Variants in PPP4R2 observed in about 807,000 individuals in gnomAD.
PPP4R2 encodes protein phosphatase 4 regulatory subunit 2, also known as serine/threonine-protein phosphatase 4 regulatory subunit 2.
PPP4R2 carries 13 observed loss-of-function variants against 47.2 expected under a neutral mutation model. That is an observed-to-expected ratio of 0.28 (90% CI 0.18 to 0.44). The LOEUF (loss-of-function observed/expected upper bound fraction) is 0.44. Among genes scored for constraint, PPP4R2 ranks in the 20% least tolerant of loss-of-function variants. The probability of loss-of-function intolerance (pLI) is 1.00; values close to 1 mark genes in which losing one functional copy is unlikely to be tolerated. For synonymous variants in PPP4R2, 151 were observed against 163.3 expected (o/e 0.92, Z 0.57); for missense variants, 421 against 491.2 (o/e 0.86, Z 1.35).
At position 73,067,426 on chromosome 3, in the gene PPP4R2, T is replaced by TAG. The variant is rs1363412886; in HGVS notation, c.*1705_*1706insGA. The TAG allele has an allele frequency of 6.6e-6, 1 of 152,150 alleles. No homozygotes were observed. The highest frequency in any genetic ancestry group is 1.9e-4 in the East Asian group (1 of 5,196). The allele number at this position is 152,150 out of a possible 1,614,324, so 9.4% of individuals were successfully genotyped here. ...CATTTATGTTTGTAGGATAATATAC[T>TAG]ACTGACTGACTTGACTGTCAGGTTC... On this transcript the variant is annotated 3_prime_UTR_variant, in exon 9 of 9. Transcript: ENST00000356692.
intron 2 of PPP4R2, among the ~76,000 whole-genome samples, chr3:73,019,601 T>A (rs973691648): frequency 6.6e-6 from 1 of 152,226 alleles, no homozygotes; most frequent in Non-Finnish European, 1.5e-5. Context: ...CTCGAACTCC[T>A]GACCTCAGAT....
In PPP4R2 at chr3:73,065,806, C is replaced by T; in HGVS notation, c.*84C>T. 1.1e-6 allele frequency: 1 copy of T among 892,090 alleles called. No homozygotes were observed. Among genetic ancestry groups the T allele is most frequent in the Non-Finnish European group, 1.7e-6 (1 of 599,280 alleles). The allele number at this position is 892,090 out of a possible 1,614,324, so 55.3% of individuals were successfully genotyped here. On this transcript the variant is annotated 3_prime_UTR_variant, in exon 9 of 9. Transcript: ENST00000356692. The stretch of plus-strand genomic sequence containing the variant: ...AAAACTTTTGTGTAATAAAATGGAC[C>T]TTTAGTTTTACAAGAGAAGCAGGTT...
intron 2 of PPP4R2, among the ~76,000 whole-genome samples, chr3:73,005,794 T>C (rs920330605): frequency 4.2e-5 from 6 of 142,940 alleles, no homozygotes; most frequent in Non-Finnish European, 9.0e-5. Context: ...CTCACGTCGT[T>C]GCACTCCAGT....
Position 73,059,275 on chromosome 3 carries a change from A to G in PPP4R2, c.381+145A>G, listed in dbSNP as rs185877581. On this transcript the variant is annotated intron_variant, in intron 4 of 8. Transcript: ENST00000356692. ...CTTGAGTTTCCCAAATTGTTTTCCA[A>G]ATTGCATTCTGTTTTACAGAGAGAT... The G allele has an allele frequency of 1.3e-3, 700 of 542,728 alleles. 2 individuals are homozygous for G. Among genetic ancestry groups the G allele is most frequent in the African/African-American group, 0.012 (631 of 51,038 alleles). The allele number at this position is 542,728 out of a possible 1,614,324, so 33.6% of individuals were successfully genotyped here. A position where few individuals can be genotyped will look rare whatever the true frequency, so the allele number is the denominator to read the frequency against.
chr3:73,004,340 A>G (rs1317235114), intron 2 of PPP4R2, among the ~76,000 whole-genome samples: 1 of 152,120 alleles, frequency 6.6e-6, no homozygotes, highest in Non-Finnish European at 1.5e-5. Flanking sequence ...CGTGCCTGGC[A>G]TGTGCCCTTT....
At chr3:73,002,624 C>CTTTTTTTTTTTTTTTTTTTTT (rs1559544635) in intron 2 of PPP4R2, among the ~76,000 whole-genome samples, 1 of 67,024 alleles carries the variant, frequency 1.5e-5, no homozygotes, top group African/African-American at 7.1e-5. Context: ...CTTTTCTTTT[C>CTTTTTTTTTTTTTTTTTTTTT]TTTTCTTTTC....
At position 73,065,912 on chromosome 3, in the gene PPP4R2, C is replaced by CT; in HGVS notation, c.*192dup. ...TGAATATCAGCTCCTCTGGGTCCTG[C>CT]TTACCTTACCGCTGACTTTTCTTTC... On this transcript the variant is annotated 3_prime_UTR_variant, in exon 9 of 9. Coordinates refer to ENST00000356692, the MANE Select transcript of PPP4R2 (RefSeq NM_174907.4). 2.6e-6 allele frequency: 1 copy of CT among 383,494 alleles called. No homozygotes were observed. The highest frequency in any genetic ancestry group is 4.6e-6 in the Non-Finnish European group (1 of 216,164). 23.8% of individuals were successfully genotyped at this position (383,494 alleles called of 1,614,324 possible).
At chr3:73,038,667 CA>C (rs1238448815) in intron 2 of PPP4R2, among the ~76,000 whole-genome samples, 3 of 152,058 alleles carry the variant, frequency 2.0e-5, no homozygotes, top group Non-Finnish European at 2.9e-5. Context: ...TATAAGGGCT[CA>C]AAGGCTAAAA....
chr3:73,006,190 A>ATTTTT (rs71624000), intron 2 of PPP4R2, among the ~76,000 whole-genome samples: 1 of 124,178 alleles, frequency 8.1e-6, no homozygotes, highest in Admixed American at 8.6e-5. Context: ...ATATGCCACA[A>ATTTTT]TTTTTTTTTT....
At chr3:73,049,919 G>A (rs1045527572) in intron 3 of PPP4R2, among the ~76,000 whole-genome samples, 2 of 151,768 alleles carry the variant, frequency 1.3e-5, no homozygotes, top group Admixed American at 6.6e-5. Flanking sequence ...TTTTTGAACC[G>A]TATTTTGAAA....
intron 4 of PPP4R2, among the ~76,000 whole-genome samples, chr3:73,059,641 T>A (rs1018072111): frequency 1.3e-5 from 2 of 151,976 alleles, no homozygotes; most frequent in South Asian, 4.2e-4. Flanking sequence ...GTATTCTGAA[T>A]AAAGGAAATG....
intron 5 of PPP4R2, 132 bp downstream of exon 5, chr3:73,061,192 C>T: frequency 7.4e-6 from 3 of 407,348 alleles, no homozygotes; most frequent in African/African-American, 2.1e-5. Flanking sequence ...ACTTGTGAAC[C>T]TACCATTCAG....
rs1185061916 is a variant in PPP4R2, at chr3:73,016,736, TTTATTA to T, written c.116+18581_116+18586del. ...TAGCTTTATTGGTTCATTGTTTATT[TTTATTA>T]TTTTTTTTTTTTAATACAGAGTCTC... On this transcript the variant is annotated intron_variant, in intron 2 of 8. Transcript: ENST00000356692. Among the ~76,000 whole-genome samples, 21 of 130,668 alleles carry T rather than the reference TTTATTA, an allele frequency of 1.6e-4. 4 individuals are homozygous for T. The highest frequency in any genetic ancestry group is 6.0e-4 in the African/African-American group (21 of 34,838). 85.7% of individuals were successfully genotyped at this position (130,668 alleles called of 152,430 possible). A position where few individuals can be genotyped will look rare whatever the true frequency, so the allele number is the denominator to read the frequency against.
At chr3:73,012,244 T>G (rs1441052224) in intron 2 of PPP4R2, among the ~76,000 whole-genome samples, 2 of 152,232 alleles carry the variant, frequency 1.3e-5, no homozygotes, top group African/African-American at 4.8e-5. Flanking sequence ...TTATATTGTT[T>G]AGGAAGTAAT....
intron 2 of PPP4R2, among the ~76,000 whole-genome samples, chr3:73,037,927 AC>A (rs1396002348): frequency 6.6e-6 from 1 of 152,202 alleles, no homozygotes; most frequent in Admixed American, 6.5e-5. Context: ...GCTGGCAGTA[AC>A]AAAGTAATTT....
chr3:73,005,721 T>A (rs1391578558), intron 2 of PPP4R2, among the ~76,000 whole-genome samples: 1 of 151,696 alleles, frequency 6.6e-6, no homozygotes, highest in African/African-American at 2.4e-5. Context: ...GGTGCATGCT[T>A]GTAATCCCAG....
chr3:73,020,672 T>TTAA (rs59905202), intron 2 of PPP4R2, among the ~76,000 whole-genome samples: 2,711 of 133,210 alleles, frequency 0.02, 51 homozygotes, highest in Middle Eastern at 0.038. Flanking sequence ...CCTGTCTCTT[T>TTAA]AAAAAAAAAA....
intron 2 of PPP4R2, among the ~76,000 whole-genome samples, chr3:73,043,064 ACT>A (rs1442155574): frequency 1.3e-5 from 2 of 151,542 alleles, no homozygotes; most frequent in Non-Finnish European, 2.9e-5. Context: ...ACACCACAAG[ACT>A]CTGTGCATAT....
intron 5 of PPP4R2, chr3:73,062,475 A>G (rs1702884724): frequency 6.2e-7 from 1 of 1,613,132 alleles, no homozygotes; most frequent in Non-Finnish European, 8.5e-7. Flanking sequence ...CTTGTGTTTC[A>G]TATTTGATGG....
Sources: allele counts gnomAD v4.1 joint callset (sites outside exome capture counted in the v4.1 genomes callset), GRCh38; gene constraint gnomAD v4.1.1; transcripts MANE v1.5; gene names NCBI Gene and HGNC (gene_info 2026-07-23, HGNC 2026-07-21).